The following LRP2 variants were observed in gnomAD, a reference collection of about 807,000 sequenced individuals.
The protein encoded by LRP2 is low-density lipoprotein receptor-related protein 2.
Under a neutral mutation model 531.0 loss-of-function variants are expected in LRP2, and 172 were observed. That is an observed-to-expected ratio of 0.32 (90% CI 0.29 to 0.37). The LOEUF (loss-of-function observed/expected upper bound fraction) is 0.37. Ranked by LOEUF, LRP2 falls within the 10% of genes least tolerant of loss-of-function variation. The probability of loss-of-function intolerance (pLI) is 1.00; values close to 1 mark genes in which losing one functional copy is unlikely to be tolerated. For synonymous variants in LRP2, 1,992 were observed against 2,027.6 expected, an observed-to-expected ratio of 0.98 and a Z score of 0.47; for missense variants, 5,167 against 5,868.3, an observed-to-expected ratio of 0.88 and a Z score of 3.90.
chr2:169,297,460 G>A (rs1428774869), intron 4 of LRP2, among the ~76,000 whole-genome samples: 2 of 152,108 alleles, frequency 1.3e-5, no homozygotes, highest in Non-Finnish European at 2.9e-5. Flanking sequence ...TCTGAATTTG[G>A]TTTTAATGGA....
chr2:169,215,542 G>T (rs575373777), intron 35 of LRP2, among the ~76,000 whole-genome samples: 4 of 151,968 alleles, frequency 2.6e-5, no homozygotes, highest in Admixed American at 6.6e-5. Flanking sequence ...AGAGAAGAAT[G>T]TGTAGCTACG....
At chr2:169,227,786 T>C (rs960061167) in intron 31 of LRP2, among the ~76,000 whole-genome samples, 4 of 152,172 alleles carry the variant, frequency 2.6e-5, no homozygotes, top group Non-Finnish European at 4.4e-5. Flanking sequence ...AATTTAAATT[T>C]AGTCTAATGT....
intron 18 of LRP2, 21 bp downstream of exon 18, chr2:169,257,103 G>A: frequency 6.2e-7 from 1 of 1,611,886 alleles, no homozygotes; most frequent in Admixed American, 1.7e-5. Flanking sequence ...CTAAGTATCG[G>A]GGATGATGAT....
intron 35 of LRP2, among the ~76,000 whole-genome samples, chr2:169,215,786 A>AATCTATATAGG (rs1553498299): frequency 2.0e-5 from 3 of 147,822 alleles, no homozygotes; most frequent in African/African-American, 7.4e-5. Flanking sequence ...TCATATATAG[A>AATCTATATAGG]ATCTATATAG....
At chr2:169,361,346 C>G (rs916350063) in intron 1 of LRP2, among the ~76,000 whole-genome samples, 26 of 42,520 alleles carry the variant, frequency 6.1e-4, no homozygotes, top group African/African-American at 1.8e-3. Flanking sequence ...CTCTGTCTCT[C>G]TCTGTCTCTC....
chr2:169,338,397 A>AAAGG (rs1685475972), intron 1 of LRP2, among the ~76,000 whole-genome samples: 2 of 127,688 alleles, frequency 1.6e-5, no homozygotes, highest in Non-Finnish European at 3.4e-5. Context: ...AGAAAGAAAG[A>AAAGG]AAGAAAGAAA....
chr2:169,201,481 G>T, intron 44 of LRP2, 147 bp downstream of exon 44: 2 of 921,480 alleles, frequency 2.2e-6, no homozygotes, highest in Non-Finnish European at 3.2e-6. Flanking sequence ...GTTGATACTT[G>T]CTACCGCGCC....
chr2:169,206,425 C>A lies in LRP2; in HGVS notation c.7295G>T (p.Arg2432Ile), dbSNP rs1373664206. ...GGCTAAATTTTGTGTGAAGTAGATTCTATCACTTACACTGTCATAGTCTAG... is the reference window on the plus strand; with the variant it reads ...GGCTAAATTTTGTGTGAAGTAGATTATATCACTTACACTGTCATAGTCTAG... ...MSLDYDSVSD[R>I]IYFTQNLASG... The change falls in exon 39 of 79, where the codon AGA (arginine) becomes ATA (isoleucine). Residue 2432 changes from arginine (R) to isoleucine (I), a missense_variant. Coordinates refer to ENST00000649046, the MANE Select transcript of LRP2 (RefSeq NM_004525.3). The A allele has an allele frequency of 6.2e-7, 1 of 1,614,066 alleles. No individual in the cohort carries two copies. Among genetic ancestry groups the A allele is most frequent in the African/African-American group, 1.3e-5 (1 of 75,022 alleles).
In LRP2 at chr2:169,156,987, G is replaced by GT. The variant is rs1686354377; in HGVS notation, c.12019+383dup. Among the ~76,000 whole-genome samples, 6 of 152,278 alleles carry GT rather than the reference G, an allele frequency of 3.9e-5. No individual in the cohort carries two copies. In the South Asian group the frequency reaches 1.0e-3, roughly 26 times the overall value. On this transcript the variant is annotated intron_variant, in intron 64 of 78. Coordinates refer to ENST00000649046, the MANE Select transcript of LRP2 (RefSeq NM_004525.3). ...ACCTTACAACTCATCTATGTCTGGC[G>GT]TAAGTAGGTGTATAATAAATACGTG...
Position 169,205,611 on chromosome 2 carries a change from G to A in LRP2, c.7583C>T (p.Thr2528Ile). Residue 2528 changes from threonine to isoleucine, a missense_variant, in exon 41 of 79, where the codon ACA becomes ATA. Coordinates refer to ENST00000649046, the MANE Select transcript of LRP2 (RefSeq NM_004525.3). Reference protein sequence around the residue: ...QGYLYWADWDTHAKIERATLG... With the variant: ...QGYLYWADWDIHAKIERATLG... ...TGTGGCTCTCTCGATTTTGGCATGT[G>A]TATCCCAGTCAGCCCAGTACAGGTA... 1.2e-6 allele frequency: 2 copies of A among 1,613,378 alleles called. No homozygotes were observed. The highest frequency in any genetic ancestry group is 2.2e-5 in the South Asian group (2 of 91,064).
intron 1 of LRP2, among the ~76,000 whole-genome samples, chr2:169,331,183 A>T (rs1685254292): frequency 6.6e-6 from 1 of 152,210 alleles, no homozygotes; most frequent in Non-Finnish European, 1.5e-5. Context: ...GCTATGAAAA[A>T]CAGTCATAAG....
chr2:169,288,802 C>T (rs1208118950), intron 9 of LRP2, among the ~76,000 whole-genome samples: 1 of 152,194 alleles, frequency 6.6e-6, no homozygotes, highest in African/African-American at 2.4e-5. Flanking sequence ...GGTAGCTAGT[C>T]AACTCGCTCA....
At chr2:169,334,988 A>G (rs1427820257) in intron 1 of LRP2, among the ~76,000 whole-genome samples, 1 of 152,158 alleles carries the variant, frequency 6.6e-6, no homozygotes, top group Non-Finnish European at 1.5e-5. Flanking sequence ...AAACTTTCAA[A>G]ATCTAAGCCA....
intron 1 of LRP2, among the ~76,000 whole-genome samples, chr2:169,327,498 C>A (rs1231492871): frequency 9.0e-4 from 109 of 121,466 alleles, no homozygotes; most frequent in African/African-American, 3.1e-3. Flanking sequence ...GGGGGTCAGC[C>A]CCCCGCCCGG....
In LRP2 at chr2:169,147,174, A is replaced by G. The variant is rs147146208; in HGVS notation, c.12591-215T>C. Among the ~76,000 whole-genome samples, 502 of 152,276 alleles carry G rather than the reference A, an allele frequency of 3.3e-3. 3 individuals carry two copies. The highest frequency in any genetic ancestry group is 0.011 in the African/African-American group (474 of 41,554). On this transcript the variant is annotated intron_variant, in intron 68 of 78. Transcript: ENST00000649046. Reference sequence around the variant, plus strand: ...CCTTCTTGAAAACTGCACCTCCTTAATAGAAATTGGCCGAAGGATGGATAT... The same window carrying G: ...CCTTCTTGAAAACTGCACCTCCTTAGTAGAAATTGGCCGAAGGATGGATAT...
Position 169,191,991 on chromosome 2 carries a change from T to C in LRP2, c.8873A>G (p.Asp2958Gly). The part of the protein sequence containing the change: ...CSDSEFLCVN[D>G]RPPDRRCIPQ... The stretch of plus-strand genomic sequence containing the variant: ...AATGCACCTCCTGTCCGGAGGTCTG[T>C]CATTTACACAGAGAAACTCGGAATC... Residue 2958 changes from aspartate to glycine, a missense_variant, in exon 48 of 79, where the codon GAC (aspartate) becomes GGC (glycine). By Grantham distance (94) the Asp-to-Gly change is moderately conservative (BLOSUM62 -1). Around this residue, in one of 6 missense-constraint regions of LRP2, gnomAD observed 1,129 missense variants for 1,362.7 expected, o/e 0.83. Transcript: ENST00000649046. The C allele has an allele frequency of 6.2e-7, 1 of 1,613,900 alleles. No individual in the cohort carries two copies. The highest frequency in any genetic ancestry group is 8.5e-7 in the Non-Finnish European group (1 of 1,179,760).
intron 76 of LRP2, among the ~76,000 whole-genome samples, chr2:169,136,990 C>T (rs1479908473): frequency 4.6e-5 from 7 of 152,206 alleles, no homozygotes; most frequent in Admixed American, 3.9e-4. Context: ...GAGTGGGCCC[C>T]GTCCCCAAAT....
intron 1 of LRP2, among the ~76,000 whole-genome samples, chr2:169,338,257 A>G (rs1685459694): frequency 6.8e-6 from 1 of 147,002 alleles, no homozygotes; most frequent in Non-Finnish European, 1.5e-5. Context: ...GGGAGAAAGA[A>G]AAACAAAGAA....
Position 169,290,929 on chromosome 2 carries a change from T to C in LRP2, c.838A>G (p.Ile280Val), listed in dbSNP as rs894514023. The stretch of plus-strand genomic sequence containing the variant: ...CCATCACAAACTTTATAAATGGAGA[T>C]GCATCGTCCCGACTCTGGGCAAGAC... ...EWSCPESGRC[I>V]SIYKVCDGIL... Residue 280 changes from isoleucine (I) to valine (V), a missense_variant, in exon 8 of 79, where the codon ATC (isoleucine) becomes GTC (valine). By Grantham distance (29) the Ile-to-Val change is conservative. Around this residue, in one of 6 missense-constraint regions of LRP2, gnomAD observed 2,811 missense variants for 3,058.0 expected, o/e 0.92. Coordinates refer to ENST00000649046, the MANE Select transcript of LRP2 (RefSeq NM_004525.3). 1.2e-6 allele frequency: 2 copies of C among 1,614,160 alleles called. No homozygotes were observed. The highest frequency in any genetic ancestry group is 1.7e-6 in the Non-Finnish European group (2 of 1,180,010).
Sources: allele counts gnomAD v4.1 joint callset (sites outside exome capture counted in the v4.1 genomes callset), GRCh38; gene constraint gnomAD v4.1.1; regional missense constraint gnomAD v4.1.1; transcripts MANE v1.5; gene names NCBI Gene and HGNC (gene_info 2026-07-23, HGNC 2026-07-21).